Variants in CYP4F3 observed in about 807,000 individuals in gnomAD.
The protein encoded by CYP4F3 is cytochrome P450 family 4 subfamily F member 3, also known as cytochrome P450 4F3.
Under a neutral mutation model 54.8 loss-of-function variants are expected in CYP4F3, and 50 were observed. The ratio of observed to expected loss-of-function variants is 0.91; its 90% CI spans 0.73 to 1.16. The LOEUF is 1.16. Ranked by LOEUF, CYP4F3 falls within the 50% of genes most tolerant of loss-of-function variation. The pLI is 0.00. For synonymous variants in CYP4F3, 244 were observed against 262.6 expected, an observed-to-expected ratio of 0.93 and a Z score of 0.69; for missense variants, 715 against 676.2, an observed-to-expected ratio of 1.06 and a Z score of -0.64.
At position 15,659,343 on chromosome 19, in the gene CYP4F3, C is replaced by T. The variant is rs745845603; in HGVS notation, c.1521C>T (p.Arg507=). ...EPRRKPELVL[R]AEGGLWLRVE... The stretch of plus-strand genomic sequence containing the variant: ...GCAGGAAGCCGGAGCTGGTCCTGCG[C>T]GCAGAGGGCGGACTTTGGCTGCGGG... Residue 507 remains arginine, a synonymous_variant, in exon 13 of 13, where the codon CGC becomes CGT. Coordinates refer to ENST00000221307, the MANE Select transcript of CYP4F3 (RefSeq NM_000896.3). 72 of 1,613,196 alleles carry T rather than the reference C, an allele frequency of 4.5e-5. No individual in the cohort carries two copies. In the East Asian group the frequency reaches 1.5e-3, roughly 34 times the overall value.
At chr19:15,656,983 A>G (rs1460372259) in intron 9 of CYP4F3, among the ~76,000 whole-genome samples, 5 of 152,198 alleles carry the variant, frequency 3.3e-5, no homozygotes, top group African/African-American at 1.2e-4. Flanking sequence ...AGGACATTAA[A>G]CATTTTCAAT....
intron 3 of CYP4F3, among the ~76,000 whole-genome samples, 197 bp downstream of exon 3, chr19:15,646,060 G>T (rs1323371066): frequency 6.6e-6 from 1 of 152,182 alleles, no homozygotes; most frequent in African/African-American, 2.4e-5. Flanking sequence ...TGTCTGGGAA[G>T]TGTCTCTATG....
chr19:15,644,747 G>A (rs949743674), intron 2 of CYP4F3, among the ~76,000 whole-genome samples: 10 of 152,204 alleles, frequency 6.6e-5, no homozygotes, highest in Admixed American at 5.9e-4. Context: ...GGAGACTCCA[G>A]CCTAGTTTGG....
At chr19:15,656,505 C>G (rs139191361) in intron 9 of CYP4F3, among the ~76,000 whole-genome samples, 4 of 59,952 alleles carry the variant, frequency 6.7e-5, no homozygotes, top group East Asian at 1.4e-3. Flanking sequence ...ATCTATCTAT[C>G]TATCTATCTA....
chr19:15,641,121 A>C (rs1972449361), intron 1 of CYP4F3, among the ~76,000 whole-genome samples, 176 bp downstream of exon 1: 1 of 152,148 alleles, frequency 6.6e-6, no homozygotes, highest in Non-Finnish European at 1.5e-5. Flanking sequence ...TTTCTAACTG[A>C]AACCAAGCCC....
rs1972939587 is a variant in CYP4F3 at position 15,653,773 on chromosome 19, A to AGAGAGAGAGAGAGT, written c.1115+834_1115+835insTGAGAGAGAGAGAG. ...GAGAGAGAGAGAGAGAGAGAGAGAGAGAGAGAGAGAGAGCAGGGTCAGGAC... is the reference window on the plus strand; with the variant it reads ...GAGAGAGAGAGAGAGAGAGAGAGAGAGAGAGAGAGAGAGTGAGAGAGAGAGAGCAGGGTCAGGAC... On this transcript the variant is annotated intron_variant, in intron 9 of 12. Coordinates refer to ENST00000221307, the MANE Select transcript of CYP4F3 (RefSeq NM_000896.3). Among the ~76,000 whole-genome samples, 36 of 132,992 alleles carry AGAGAGAGAGAGAGT rather than the reference A, an allele frequency of 2.7e-4. 1 individual carries two copies. The highest frequency in any genetic ancestry group is 9.4e-4 in the African/African-American group (33 of 35,244). The allele number at this position is 132,992 out of a possible 152,430, so 87.2% of individuals were successfully genotyped here. A position where few individuals can be genotyped will look rare whatever the true frequency, so the allele number is the denominator to read the frequency against.
intron 2 of CYP4F3, among the ~76,000 whole-genome samples, chr19:15,643,405 A>AATAG (rs57178444): frequency 0.076 from 7,579 of 99,212 alleles, 242 homozygotes; most frequent in South Asian, 0.094. Flanking sequence ...TATATAGGTA[A>AATAG]ATAGATAGAT....
At chr19:15,646,008 C>T (rs1300130974) in intron 3 of CYP4F3, 145 bp downstream of exon 3, 3 of 1,220,298 alleles carry the variant, frequency 2.5e-6, no homozygotes, top group African/African-American at 1.5e-5. Flanking sequence ...CTTCCATCTC[C>T]CCTGGACTTC....
chr19:15,658,457 A>AGCCCCTCAG (rs1973091086), intron 10 of CYP4F3, 34 bp from the exon 11 acceptor site: 1 of 1,613,710 alleles, frequency 6.2e-7, no homozygotes, highest in Non-Finnish European at 8.5e-7. Flanking sequence ...TCAGGCAGGG[A>AGCCCCTCAG]GCATTGTCCT....
intron 5 of CYP4F3, 133 bp downstream of exon 5, chr19:15,647,457 A>G: frequency 1.4e-6 from 2 of 1,437,112 alleles, no homozygotes; most frequent in Non-Finnish European, 1.9e-6. Flanking sequence ...TGGTTTCCTC[A>G]TCTGTAAAAT....
intron 9 of CYP4F3, among the ~76,000 whole-genome samples, chr19:15,656,728 T>TTATCTATCTATCTATCTATC (rs1555743688): frequency 1.5e-4 from 22 of 144,014 alleles, no homozygotes; most frequent in South Asian, 2.2e-4. Flanking sequence ...TATCATCTAT[T>TTATCTATCTATCTATCTATC]TATCTATCTA....
rs112083753 is a variant in CYP4F3, at chr19:15,652,917, G to A, written c.1080G>A (p.Glu360=). Residue 360 remains glutamate, a synonymous_variant, in exon 9 of 13, where the codon GAG becomes GAA. Coordinates refer to ENST00000221307, the MANE Select transcript of CYP4F3 (RefSeq NM_000896.3). The part of the protein sequence containing the change: ...YQERCRQEVQ[E]LLKDREPKEI... ...AGCGCTGTCGGCAGGAGGTGCAAGAGCTTCTGAAGGACCGTGAGCCTAAAG... is the reference window on the plus strand; with the variant it reads ...AGCGCTGTCGGCAGGAGGTGCAAGAACTTCTGAAGGACCGTGAGCCTAAAG... The A allele has an allele frequency of 2.9e-4, 466 of 1,613,016 alleles. 2 individuals are homozygous for A. The East Asian group carries it at 9.8e-3, about 34-fold the overall frequency.
chr19:15,643,939 G>A lies in CYP4F3; in HGVS notation c.199-1780G>A, dbSNP rs750889904. 8.1e-6 allele frequency: 13 copies of A among 1,605,788 alleles called. No individual in the cohort carries two copies. In the Admixed American group the frequency reaches 8.5e-5, roughly 11 times the overall value. ...CCACGGAGCAGGGCATGAGGGTCCTGACTCAGCTGGTGGCCACCTACCCCC... is the reference window on the plus strand; with the variant it reads ...CCACGGAGCAGGGCATGAGGGTCCTAACTCAGCTGGTGGCCACCTACCCCC... On this transcript the variant is annotated intron_variant, in intron 2 of 12. Coordinates refer to ENST00000221307, the MANE Select transcript of CYP4F3 (RefSeq NM_000896.3).
intron 5 of CYP4F3, 67 bp from the exon 6 acceptor site, chr19:15,649,093 G>A: frequency 1.3e-6 from 2 of 1,599,282 alleles, no homozygotes; most frequent in Non-Finnish European, 1.7e-6. Flanking sequence ...CATATTGATT[G>A]TTGGGGTTGG....
intron 9 of CYP4F3, among the ~76,000 whole-genome samples, chr19:15,653,443 C>T (rs970634586): frequency 2.6e-5 from 4 of 152,068 alleles, no homozygotes; most frequent in African/African-American, 9.7e-5. Context: ...GCATTCCAAC[C>T]CCCACATCTG....
At chr19:15,649,129 C>A in intron 5 of CYP4F3, 31 bp from the exon 6 acceptor site, 3 of 1,612,102 alleles carry the variant, frequency 1.9e-6, no homozygotes, top group Non-Finnish European at 2.5e-6. Context: ...AGCAAGGGAC[C>A]TGCCCCAGCT....
At chr19:15,659,034 G>GGGGGTTGGAGCTAGGCTGC (rs1973115923) in intron 12 of CYP4F3, among the ~76,000 whole-genome samples, 186 bp from the exon 13 acceptor site, 1 of 46,516 alleles carries the variant, frequency 2.1e-5, no homozygotes, top group African/African-American at 1.7e-4. Flanking sequence ...GTCTAGGCTG[G>GGGGGTTGGAGCTAGGCTGC]GGGGTTGGAG....
chr19:15,658,761 T>C lies in CYP4F3; in HGVS notation c.1349T>C (p.Ile450Thr), dbSNP rs1297647180. 6.2e-7 allele frequency: 1 copy of C among 1,614,048 alleles called. No individual in the cohort carries two copies. Among genetic ancestry groups the C allele is most frequent in the East Asian group, 2.2e-5 (1 of 44,864 alleles). The change falls in exon 12 of 13, where the codon ATC (isoleucine) becomes ACC (threonine). Residue 450 changes from isoleucine (I) to threonine (T), a missense_variant. Ile to Thr is a moderately conservative substitution (Grantham distance 89). Coordinates refer to ENST00000221307, the MANE Select transcript of CYP4F3 (RefSeq NM_000896.3). ...CCCTTTCGCTTTGACCCAAAGAACA[T>C]CAAGGAGAGGTCACCTCTGGCTTTT... ...YDPFRFDPKN[I>T]KERSPLAFIP...
At chr19:15,648,020 G>C (rs919798592) in intron 5 of CYP4F3, among the ~76,000 whole-genome samples, 1 of 152,188 alleles carries the variant, frequency 6.6e-6, no homozygotes, top group African/African-American at 2.4e-5. Flanking sequence ...ATCAATGGCA[G>C]GGGGTAAAAT....
Sources: gnomAD v4.1 joint callset for allele counts (sites outside exome capture counted in the v4.1 genomes callset) on GRCh38, gnomAD v4.1.1 for gene constraint, MANE v1.5 for transcripts, NCBI Gene and HGNC (gene_info 2026-07-23, HGNC 2026-07-21) for gene names.